Variants in ZFAT observed in about 807,000 individuals in gnomAD.
ZFAT encodes zinc finger protein ZFAT.
ZFAT carries 64 observed loss-of-function variants against 117.7 expected under a neutral mutation model. That is an observed-to-expected ratio of 0.54 (90% confidence interval 0.44 to 0.67). ZFAT has a LOEUF of 0.67. Ranked by LOEUF, ZFAT falls within the 30% of genes least tolerant of loss-of-function variation. The pLI, the probability that ZFAT is intolerant of heterozygous loss-of-function variation, is 0.00. For synonymous variants in ZFAT, 679 were observed against 615.0 expected (o/e 1.10, Z -1.54); for missense variants, 1,433 against 1,584.5 (o/e 0.90, Z 1.62).
rs1223139808 is a variant in ZFAT, at chr8:134,590,581, CCAT to C, written c.2476-229_2476-227del. Among the ~76,000 whole-genome samples, 86 of 151,516 alleles carry C rather than the reference CCAT, an allele frequency of 5.7e-4. No homozygotes were observed. The South Asian group carries it at 9.0e-3, about 16-fold the overall frequency. On this transcript the variant is annotated intron_variant, in intron 7 of 15. Transcript: ENST00000377838. ...ACCATCACTACTACCACCATCATCA[CCAT>C]CATCATCACCACCACCAGCACTATC... is the stretch of plus-strand genomic sequence containing the variant.
intron 1 of ZFAT, chr8:134,673,617 A>G (rs907647384): frequency 6.5e-6 from 1 of 152,676 alleles, no homozygotes; most frequent in Admixed American, 6.5e-5. Context: ...GAATTCTATG[A>G]TGTGTTCTGT....
the ZFAT span, among the ~76,000 whole-genome samples, chr8:134,799,034 T>C: frequency 2.0e-5 from 3 of 152,110 alleles, no homozygotes; most frequent in African/African-American, 7.2e-5. Flanking sequence ...CAAATTAACA[T>C]GTGGAGCTCA....
chr8:134,597,112 C>T (rs929331213), intron 7 of ZFAT, among the ~76,000 whole-genome samples: 13 of 151,608 alleles, frequency 8.6e-5, no homozygotes, highest in South Asian at 4.1e-4. Context: ...CTTGAAAATA[C>T]GGAATTCTAT....
At position 134,478,347 on chromosome 8, in the gene ZFAT, CCTA is replaced by C. The variant is rs1817025214; in HGVS notation, c.*132_*134del. ...CCACCCCAAGTTGGACTAGGAGAGTCCTATCAGGCTGCTGGGCAGGGAGGGCAA... is the reference window on the plus strand; with the variant it reads ...CCACCCCAAGTTGGACTAGGAGAGTCTCAGGCTGCTGGGCAGGGAGGGCAA... On this transcript the variant is annotated 3_prime_UTR_variant, in exon 16 of 16. Transcript: ENST00000377838. This position sits in a 1 kb window ranked among gnomAD's most constrained non-coding sequence, Gnocchi z 5.2. 32 of 1,349,310 alleles carry C rather than the reference CCTA, an allele frequency of 2.4e-5. No individual in the cohort carries two copies. The highest frequency in any genetic ancestry group is 3.2e-5 in the Non-Finnish European group (32 of 1,010,718). The allele number at this position is 1,349,310 out of a possible 1,614,324, so 83.6% of individuals were successfully genotyped here. A position where few individuals can be genotyped will look rare whatever the true frequency, so the allele number is the denominator to read the frequency against.
chr8:134,669,531 C>A (rs918234931), intron 1 of ZFAT, among the ~76,000 whole-genome samples: 1 of 152,124 alleles, frequency 6.6e-6, no homozygotes, highest in Non-Finnish European at 1.5e-5. Context: ...GAAATAAAAT[C>A]CTTTACAGAC....
At chr8:134,514,280 G>A (rs28437992) in intron 13 of ZFAT, among the ~76,000 whole-genome samples, 1,947 of 152,302 alleles carry the variant, frequency 0.013, 47 homozygotes, top group African/African-American at 0.044. Flanking sequence ...AGCTGGAAGC[G>A]AGGCTTTACT....
chr8:134,519,693 A>C (rs1167241178), intron 13 of ZFAT, among the ~76,000 whole-genome samples: 1 of 152,166 alleles, frequency 6.6e-6, no homozygotes, highest in African/African-American at 2.4e-5. Flanking sequence ...TGGTCTAGCC[A>C]CACTCACTGA....
At chr8:134,819,672 G>T in the ZFAT span, among the ~76,000 whole-genome samples, 1 of 151,998 alleles carries the variant, frequency 6.6e-6, no homozygotes, top group Admixed American at 6.6e-5. Context: ...TCAGATCCTT[G>T]TTCTACTTCT....
At chr8:134,785,389 CT>C in the ZFAT span, 1 of 152,106 alleles carries the variant, frequency 6.6e-6, no homozygotes, top group Admixed American at 6.6e-5. Context: ...ATGTGTGACT[CT>C]TTTTCTTCAT....
At position 134,635,083 on chromosome 8, in the gene ZFAT, C is replaced by A. The variant is rs574546082; in HGVS notation, c.448+2378G>T. 4.6e-5 allele frequency among the ~76,000 whole-genome samples: 7 copies of A among 152,320 alleles called. No individual in the cohort carries two copies. The South Asian group carries it at 1.4e-3, about 32-fold the overall frequency. ...CAGAGCTCAGGTGGTAATGCTCGCT[C>A]ACCAACCACTCACCTGCTGTGCAGC... On this transcript the variant is annotated intron_variant, in intron 3 of 15. Coordinates refer to ENST00000377838, the MANE Select transcript of ZFAT (RefSeq NM_020863.4).
chr8:134,671,073 T>A (rs1344108965), intron 1 of ZFAT, among the ~76,000 whole-genome samples: 1 of 152,182 alleles, frequency 6.6e-6, no homozygotes, highest in African/African-American at 2.4e-5. Context: ...AATCTCTGAA[T>A]AGACCAATAA....
At chr8:134,815,725 T>C in the ZFAT span, among the ~76,000 whole-genome samples, 1 of 152,142 alleles carries the variant, frequency 6.6e-6, no homozygotes, top group African/African-American at 2.4e-5. Flanking sequence ...CAGGAAACTT[T>C]TTCACTCAGA....
At chr8:134,738,778 C>T in the ZFAT span, among the ~76,000 whole-genome samples, 1 of 152,076 alleles carries the variant, frequency 6.6e-6, no homozygotes, top group African/African-American at 2.4e-5. Context: ...TCCAGGTAGA[C>T]AGGACAGCAT....
intron 1 of ZFAT, among the ~76,000 whole-genome samples, chr8:134,709,330 C>G (rs1813900818): frequency 6.6e-6 from 1 of 152,218 alleles, no homozygotes; most frequent in South Asian, 2.1e-4. Context: ...TTCCTGAATG[C>G]CATCAGCAGC....
rs1586658660 is a variant in ZFAT, at chr8:134,533,834, T to G, written c.2977-862A>C. Among the ~76,000 whole-genome samples, 3 of 152,322 alleles carry G rather than the reference T, an allele frequency of 2.0e-5. No individual in the cohort carries two copies. The South Asian group carries it at 6.2e-4, about 32-fold the overall frequency. On this transcript the variant is annotated intron_variant, in intron 11 of 15. Coordinates refer to ENST00000377838, the MANE Select transcript of ZFAT (RefSeq NM_020863.4). ...GCCCCTGGGGAAGCTCAGTGAGACCTGGCCTTTGGCTGGTCGACGGATGGG... is the reference window on the plus strand; with the variant it reads ...GCCCCTGGGGAAGCTCAGTGAGACCGGGCCTTTGGCTGGTCGACGGATGGG...
At chr8:134,639,989 G>C in intron 2 of ZFAT, 1 of 351,460 alleles carries the variant, frequency 2.8e-6, no homozygotes, top group Middle Eastern at 1.0e-3. Flanking sequence ...TGATTTCTAG[G>C]CCCCCGGATG....
the ZFAT span, among the ~76,000 whole-genome samples, chr8:134,826,061 A>G: frequency 1.3e-5 from 2 of 152,094 alleles, no homozygotes; most frequent in African/African-American, 4.8e-5. Context: ...TTAATCAGTA[A>G]CAATATGTCA....
At chr8:134,660,700 G>A (rs1178447310) in intron 1 of ZFAT, among the ~76,000 whole-genome samples, 1 of 152,220 alleles carries the variant, frequency 6.6e-6, no homozygotes, top group Non-Finnish European at 1.5e-5. Flanking sequence ...CAGGAAAATG[G>A]GAATTCTGTG....
chr8:134,589,822 A>G (rs1236679852), intron 8 of ZFAT, among the ~76,000 whole-genome samples: 1 of 152,274 alleles, frequency 6.6e-6, no homozygotes. Context: ...ACACCCAGGT[A>G]GCTGGTGCCT....
Sources: allele counts gnomAD v4.1 joint callset (sites outside exome capture counted in the v4.1 genomes callset), GRCh38; gene constraint gnomAD v4.1.1; non-coding constraint Gnocchi (gnomAD v3.1); transcripts MANE v1.5; gene names NCBI Gene and HGNC (gene_info 2026-07-23, HGNC 2026-07-21).